ZMIZ1: variants seen among roughly 807,000 people sequenced by gnomAD.
ZMIZ1 encodes zinc finger MIZ-type containing 1.
A neutral mutation model predicts 113.9 loss-of-function variants in ZMIZ1; 17 were observed. The ratio of observed to expected loss-of-function variants is 0.15; its 90% CI spans 0.10 to 0.22. ZMIZ1 has a LOEUF of 0.22. ZMIZ1 is among the 10% of genes least tolerant of loss of function. The probability of loss-of-function intolerance (pLI) is 1.00; values close to 1 mark genes in which losing one functional copy is unlikely to be tolerated. For missense variants in ZMIZ1, 1,059 were observed against 1,477.8 expected (o/e 0.72, Z 4.65); for synonymous variants, 607 against 603.1 (o/e 1.01, Z -0.09).
chr10:79,217,107 G>A (rs1301978376), intron 7 of ZMIZ1, among the ~76,000 whole-genome samples: 1 of 152,214 alleles, frequency 6.6e-6, no homozygotes. Flanking sequence ...CTGACTTCAG[G>A]GGTCATTGTA....
At chr10:79,122,598 C>T (rs1427905189) in intron 2 of ZMIZ1, among the ~76,000 whole-genome samples, 1 of 152,204 alleles carries the variant, frequency 6.6e-6, no homozygotes, top group South Asian at 2.1e-4. Context: ...CCCAGCTCCT[C>T]CCTTCCAACC....
At chr10:79,209,296 G>A (rs1848451574) in intron 6 of ZMIZ1, among the ~76,000 whole-genome samples, 1 of 152,192 alleles carries the variant, frequency 6.6e-6, no homozygotes, top group Non-Finnish European at 1.5e-5. Context: ...GAACAGGAAG[G>A]GTCGAGGCTG....
rs544735670 is a variant in ZMIZ1 at position 79,171,987 on chromosome 10, A to C, written c.-50+9854A>C. Among the ~76,000 whole-genome samples, 368 of 152,304 alleles carry C rather than the reference A, an allele frequency of 2.4e-3. 1 individual carries two copies. The highest frequency in any genetic ancestry group is 8.2e-3 in the African/African-American group (339 of 41,558). ...GCACTGCTTTTTAAATGTAGTAGGC[A>C]CTCAATAAATGCTGACCAAATGAAG... is the stretch of plus-strand genomic sequence containing the variant. On this transcript the variant is annotated intron_variant, in intron 4 of 24. Transcript: ENST00000334512.
At chr10:79,249,480 C>T (rs10824731) in intron 7 of ZMIZ1, among the ~76,000 whole-genome samples, 38,670 of 152,130 alleles carry the variant, frequency 0.25, 5,791 homozygotes, top group South Asian at 0.43. Flanking sequence ...AGGTCTTGGC[C>T]CAGCTCTGGC....
intron 4 of ZMIZ1, among the ~76,000 whole-genome samples, chr10:79,171,762 A>G (rs1329930937): frequency 6.6e-6 from 1 of 152,214 alleles, no homozygotes; most frequent in African/African-American, 2.4e-5. Context: ...ATTGACACTC[A>G]GAGCATTTCA....
chr10:79,161,443 A>C (rs575515896), intron 3 of ZMIZ1, among the ~76,000 whole-genome samples: 1 of 152,076 alleles, frequency 6.6e-6, no homozygotes, highest in South Asian at 2.1e-4. Context: ...CAAGTCCTCC[A>C]CTGGGCCAGG....
At chr10:79,297,946 T>C (rs1281464381) in intron 14 of ZMIZ1, among the ~76,000 whole-genome samples, 4 of 152,174 alleles carry the variant, frequency 2.6e-5, no homozygotes, top group African/African-American at 9.7e-5. Flanking sequence ...CTGGGGAACC[T>C]GGGCCCCAGA....
chr10:79,208,352 C>G lies in ZMIZ1; in HGVS notation c.77C>G (p.Ala26Gly). 3 of 1,614,166 alleles carry G rather than the reference C, an allele frequency of 1.9e-6. No homozygotes were observed. In the South Asian group the frequency reaches 3.3e-5, roughly 18 times the overall value. Reference sequence around the variant, plus strand: ...TTCCCACAGCACTTACAGAATCCTGCCAACTTCCACAATGCCGCCACGGAG... The same window carrying G: ...TTCCCACAGCACTTACAGAATCCTGGCAACTTCCACAATGCCGCCACGGAG... Reference protein sequence around the residue: ...QCIKQHLQNPANFHNAATELL... With the variant: ...QCIKQHLQNPGNFHNAATELL... Residue 26 changes from alanine (A) to glycine (G), a missense_variant, in exon 6 of 25, where the codon GCC becomes GGC. Physicochemically the swap from Ala to Gly is moderately conservative, Grantham distance 60 (BLOSUM62 0). Around this residue, in one of 6 missense-constraint regions of ZMIZ1, gnomAD observed 272 missense variants for 350.4 expected, o/e 0.78. Coordinates refer to ENST00000334512, the MANE Select transcript of ZMIZ1 (RefSeq NM_020338.4).
chr10:79,208,353 C>T lies in ZMIZ1; in HGVS notation c.78C>T (p.Ala26=), dbSNP rs1004151740. ...QCIKQHLQNP[A]NFHNAATELL... ...TCCCACAGCACTTACAGAATCCTGC[C>T]AACTTCCACAATGCCGCCACGGAGC... The change falls in exon 6 of 25, where the codon GCC becomes GCT. Residue 26 remains alanine, a synonymous_variant. Transcript: ENST00000334512. 6.2e-7 allele frequency: 1 copy of T among 1,614,156 alleles called. No individual in the cohort carries two copies.
intron 18 of ZMIZ1, among the ~76,000 whole-genome samples, chr10:79,303,054 G>A (rs1854434442): frequency 6.6e-6 from 1 of 151,934 alleles, no homozygotes; most frequent in African/African-American, 2.4e-5. Context: ...TAGAGACGGG[G>A]TTTCACCGTG....
intron 7 of ZMIZ1, among the ~76,000 whole-genome samples, chr10:79,223,755 C>A (rs1394937823): frequency 6.6e-6 from 1 of 152,226 alleles, no homozygotes; most frequent in East Asian, 1.9e-4. Context: ...TACAGGGAAC[C>A]ACCTCCCTCT....
chr10:79,285,427 G>A, intron 8 of ZMIZ1: 1 of 455,002 alleles, frequency 2.2e-6, no homozygotes, highest in East Asian at 7.0e-5. Flanking sequence ...TTCGAAGGGA[G>A]GGGCTGAATC....
chr10:79,188,444 C>T (rs1032680211), intron 4 of ZMIZ1, among the ~76,000 whole-genome samples: 2 of 152,178 alleles, frequency 1.3e-5, no homozygotes, highest in Non-Finnish European at 2.9e-5. Flanking sequence ...CAGGCAGGCT[C>T]GTGGCTGGTT....
chr10:79,104,696 T>C (rs1184914594), intron 1 of ZMIZ1, among the ~76,000 whole-genome samples: 1 of 152,186 alleles, frequency 6.6e-6, no homozygotes, highest in Admixed American at 6.5e-5. Context: ...GCCCTGGGCC[T>C]GGGAGTCCTG....
chr10:79,238,379 G>A (rs1849682287), intron 7 of ZMIZ1, among the ~76,000 whole-genome samples: 1 of 152,238 alleles, frequency 6.6e-6, no homozygotes. Context: ...GATACGCCCA[G>A]GAAGGGGAGC....
chr10:79,161,088 A>T (rs1846098878), intron 3 of ZMIZ1, among the ~76,000 whole-genome samples: 1 of 152,020 alleles, frequency 6.6e-6, no homozygotes, highest in South Asian at 2.1e-4. Context: ...CGTTGAGGAG[A>T]TGGGCCAGCT....
chr10:79,201,483 T>C, intron 4 of ZMIZ1, 101 bp from the exon 5 acceptor site: 3 of 874,468 alleles, frequency 3.4e-6, no homozygotes, highest in Non-Finnish European at 3.7e-6. Flanking sequence ...AGCAAAGGAC[T>C]CTGGAACCTG....
chr10:79,104,952 T>G (rs771083978), intron 1 of ZMIZ1, among the ~76,000 whole-genome samples: 778 of 59,726 alleles, frequency 0.013, 5 homozygotes, highest in Middle Eastern at 0.025. Flanking sequence ...TGTTGTGGGG[T>G]GTGTGTGTGT....
chr10:79,307,738 G>C (rs1854825489), intron 23 of ZMIZ1, among the ~76,000 whole-genome samples, 167 bp downstream of exon 23: 1 of 152,158 alleles, frequency 6.6e-6, no homozygotes, highest in Non-Finnish European at 1.5e-5. Context: ...TGCCCTGTCA[G>C]TGTCCTTAGA....
Sources: gnomAD v4.1 joint callset for allele counts (sites outside exome capture counted in the v4.1 genomes callset) on GRCh38, gnomAD v4.1.1 for gene constraint, gnomAD v4.1.1 regional missense constraint, MANE v1.5 for transcripts, NCBI Gene and HGNC (gene_info 2026-07-23, HGNC 2026-07-21) for gene names.